The following NELL1 variants were observed in gnomAD, a reference collection of about 807,000 sequenced individuals.
NELL1 encodes the protein neural EGFL like 1, also known as protein kinase C-binding protein NELL1.
A neutral mutation model predicts 107.4 loss-of-function variants in NELL1; 76 were observed. That is an observed-to-expected ratio of 0.71 (90% CI 0.59 to 0.86). NELL1 has a LOEUF of 0.86. NELL1 is among the 40% of genes least tolerant of loss of function. NELL1 has a pLI of 0.00. For missense variants in NELL1, 1,024 were observed against 1,005.5 expected (o/e 1.02, Z -0.25); for synonymous variants, 353 against 341.2 (o/e 1.03, Z -0.38).
chr11:21,070,767 G>A (rs143600772), intron 12 of NELL1, among the ~76,000 whole-genome samples: 67 of 152,162 alleles, frequency 4.4e-4, no homozygotes, highest in Admixed American at 1.2e-3. Context: ...TCAAGTTAGC[G>A]TCTCATAAAA....
intron 2 of NELL1, among the ~76,000 whole-genome samples, chr11:20,734,780 A>T (rs1855722560): frequency 6.6e-6 from 1 of 152,150 alleles, no homozygotes; most frequent in Non-Finnish European, 1.5e-5. Flanking sequence ...CATCAGCACA[A>T]GTGTGATATT....
intron 2 of NELL1, among the ~76,000 whole-genome samples, chr11:20,715,719 A>C (rs796986020): frequency 1.4e-4 from 21 of 152,322 alleles, no homozygotes; most frequent in African/African-American, 5.1e-4. Flanking sequence ...TGGAATTTTG[A>C]TGATCCTTTC....
Position 21,513,547 on chromosome 11 carries a change from C to A in NELL1, c.1646-20827C>A, listed in dbSNP as rs145227336. Among the ~76,000 whole-genome samples, 97 of 152,180 alleles carry A rather than the reference C, an allele frequency of 6.4e-4. 1 individual carries two copies. Among genetic ancestry groups the A allele is most frequent in the African/African-American group, 2.3e-3 (94 of 41,522 alleles). On this transcript the variant is annotated intron_variant, in intron 15 of 19. Transcript: ENST00000357134. ...CATACAGATGGAAAAGGAGGAACTGCAAAATAGGCCTAGTTTTCTCAAAGA... is the reference window on the plus strand; with the variant it reads ...CATACAGATGGAAAAGGAGGAACTGAAAAATAGGCCTAGTTTTCTCAAAGA...
rs143054273 is a variant in NELL1 at position 21,496,611 on chromosome 11, G to A, written c.1646-37763G>A. Among the ~76,000 whole-genome samples, 748 of 151,852 alleles carry A rather than the reference G, an allele frequency of 4.9e-3. 6 individuals are homozygous for A. The highest frequency in any genetic ancestry group is 0.017 in the African/African-American group (720 of 41,440). ...TTTTTAGTAGAGACGGGGTTTCACC[G>A]TGTTAGCCAGGATGATCTCGTTCTC... On this transcript the variant is annotated intron_variant, in intron 15 of 19. Coordinates refer to ENST00000357134, the MANE Select transcript of NELL1 (RefSeq NM_006157.5).
At chr11:21,097,173 T>C (rs1186685229) in intron 12 of NELL1, among the ~76,000 whole-genome samples, 1 of 152,154 alleles carries the variant, frequency 6.6e-6, no homozygotes, top group Non-Finnish European at 1.5e-5. Context: ...TTCATTCTAC[T>C]TGTACTGTTC....
chr11:21,574,251 TAG>T (rs10578571), intron 19 of NELL1, among the ~76,000 whole-genome samples: 96,645 of 149,460 alleles, frequency 0.65, 34,697 homozygotes, highest in Non-Finnish European at 0.82. Context: ...GTTATAAATG[TAG>T]ATTTTTTTTT....
chr11:21,034,230 C>A (rs1257594880), intron 12 of NELL1, among the ~76,000 whole-genome samples: 1 of 152,150 alleles, frequency 6.6e-6, no homozygotes, highest in East Asian at 1.9e-4. Flanking sequence ...CTGCCCATGG[C>A]TTCCCAGTTA....
intron 16 of NELL1, among the ~76,000 whole-genome samples, chr11:21,550,720 A>C (rs185707548): frequency 1.8e-4 from 28 of 152,174 alleles, no homozygotes; most frequent in African/African-American, 6.7e-4. Context: ...TGGTACCAGT[A>C]CCATGCTGTT....
At chr11:20,905,351 G>A (rs79076875) in intron 5 of NELL1, among the ~76,000 whole-genome samples, 3,520 of 152,198 alleles carry the variant, frequency 0.023, 141 homozygotes, top group African/African-American at 0.08. Flanking sequence ...ACATCCAAAT[G>A]TTCAGTGTTC....
At chr11:21,011,520 G>A (rs1239544288) in intron 12 of NELL1, among the ~76,000 whole-genome samples, 5 of 152,044 alleles carry the variant, frequency 3.3e-5, no homozygotes, top group Admixed American at 6.6e-5. Flanking sequence ...ACCTCCACCC[G>A]GCTCCCCTTG....
In NELL1 at chr11:20,915,717, A is replaced by ATATATATATATATATTTTTT; in HGVS notation, c.604-2464_604-2463insATATATATATATATTTTTTT. On this transcript the variant is annotated intron_variant, in intron 5 of 19. Coordinates refer to ENST00000357134, the MANE Select transcript of NELL1 (RefSeq NM_006157.5). ...TCATAGATGATATATATATATATATATTTTTTTTTTTTTTTTTTGAGAGGA... is the reference window on the plus strand; with the variant it reads ...TCATAGATGATATATATATATATATATATATATATATATATTTTTTTTTTTTTTTTTTTTTTTTGAGAGGA... Among the ~76,000 whole-genome samples, 30 of 58,212 alleles carry ATATATATATATATATTTTTT rather than the reference A, an allele frequency of 5.2e-4. 2 individuals carry two copies. Among genetic ancestry groups the ATATATATATATATATTTTTT allele is most frequent in the African/African-American group, 1.9e-3 (21 of 11,320 alleles). 38.2% of individuals were successfully genotyped at this position (58,212 alleles called of 152,430 possible). A position where few individuals can be genotyped will look rare whatever the true frequency, so the allele number is the denominator to read the frequency against.
intron 15 of NELL1, among the ~76,000 whole-genome samples, chr11:21,446,448 T>G (rs922314598): frequency 2.6e-5 from 4 of 152,170 alleles, no homozygotes; most frequent in Admixed American, 2.6e-4. Flanking sequence ...TACTGTAGTC[T>G]TCACAGTCTG....
At chr11:20,853,953 G>T (rs1243151614) in intron 4 of NELL1, among the ~76,000 whole-genome samples, 1 of 152,122 alleles carries the variant, frequency 6.6e-6, no homozygotes, top group East Asian at 1.9e-4. Flanking sequence ...ATCCTGGCAG[G>T]GCTTTGAGAA....
chr11:21,403,611 A>G (rs913861542), intron 15 of NELL1, among the ~76,000 whole-genome samples: 1 of 151,646 alleles, frequency 6.6e-6, no homozygotes, highest in African/African-American at 2.4e-5. Flanking sequence ...CTCTTCAAAA[A>G]AAAAAAAAAA....
At chr11:20,938,816 T>C (rs1850781010) in intron 10 of NELL1, among the ~76,000 whole-genome samples, 1 of 152,114 alleles carries the variant, frequency 6.6e-6, no homozygotes, top group Non-Finnish European at 1.5e-5. Flanking sequence ...GAGATGAACC[T>C]GGACAGTTAG....
chr11:21,255,686 A>G (rs576058209), intron 14 of NELL1, among the ~76,000 whole-genome samples: 1 of 152,170 alleles, frequency 6.6e-6, no homozygotes, highest in African/African-American at 2.4e-5. Context: ...TGCAGATTAT[A>G]TTTCTTCTAT....
intron 14 of NELL1, among the ~76,000 whole-genome samples, chr11:21,250,275 TGCAG>T (rs2133909428): frequency 6.6e-6 from 1 of 152,302 alleles, no homozygotes; most frequent in South Asian, 2.1e-4. Context: ...AAACCTGATT[TGCAG>T]TGATCTCTAA....
At chr11:21,496,537 G>A (rs992009882) in intron 15 of NELL1, among the ~76,000 whole-genome samples, 3 of 151,430 alleles carry the variant, frequency 2.0e-5, no homozygotes, top group Non-Finnish European at 4.4e-5. Context: ...AGCCTCCCGA[G>A]TAGCTGGGAC....
Position 20,862,812 on chromosome 11 carries a change from G to A in NELL1, c.506+15059G>A, listed in dbSNP as rs567742224. ...TTAGGGAGTGGCGATGACTCTCAAC[G>A]AGCATGCTGCCTTCAAGCATCTGTT... On this transcript the variant is annotated intron_variant, in intron 4 of 19. Transcript: ENST00000357134. 2.6e-5 allele frequency among the ~76,000 whole-genome samples: 4 copies of A among 151,946 alleles called. No homozygotes were observed. The South Asian group carries it at 8.3e-4, about 32-fold the overall frequency.
Sources: allele counts gnomAD v4.1 joint callset (sites outside exome capture counted in the v4.1 genomes callset), GRCh38; gene constraint gnomAD v4.1.1; transcripts MANE v1.5; gene names NCBI Gene and HGNC (gene_info 2026-07-23, HGNC 2026-07-21).